The following CCBE1 variants were observed in gnomAD, a reference collection of about 807,000 sequenced individuals.
The protein encoded by CCBE1 is collagen and calcium-binding EGF domain-containing protein 1.
Under a neutral mutation model 50.0 loss-of-function variants are expected in CCBE1, and 37 were observed. That is an observed-to-expected ratio of 0.74 (90% CI 0.57 to 0.97). CCBE1 has a LOEUF of 0.97. Among genes scored for constraint, CCBE1 ranks in the 50% least tolerant of loss-of-function variants. The pLI is 0.00. For synonymous variants in CCBE1, 234 were observed against 203.7 expected (o/e 1.15, Z -1.27); for missense variants, 538 against 523.8 (o/e 1.03, Z -0.26).
At chr18:59,535,682 G>T (rs1262867792) in intron 2 of CCBE1, among the ~76,000 whole-genome samples, 1 of 152,062 alleles carries the variant, frequency 6.6e-6, no homozygotes, top group Non-Finnish European at 1.5e-5. Flanking sequence ...CTCATACAGA[G>T]AAATATTACA....
At chr18:59,543,332 G>A (rs1428409668) in intron 2 of CCBE1, among the ~76,000 whole-genome samples, 2 of 152,158 alleles carry the variant, frequency 1.3e-5, no homozygotes, top group Admixed American at 1.3e-4. Context: ...TTTAGGGAAA[G>A]TTTTCAGTGA....
intron 7 of CCBE1, among the ~76,000 whole-genome samples, chr18:59,445,904 G>A (rs933750582): frequency 2.0e-5 from 3 of 152,174 alleles, no homozygotes; most frequent in South Asian, 2.1e-4. Context: ...AGCAGCAGCC[G>A]CCCCCTTACC....
Position 59,678,120 on chromosome 18 carries a change from A to T in CCBE1, c.212+18509T>A, listed in dbSNP as rs184782382. ...AGTCGTAAGCATGTACAATGCTGAT[A>T]AGTGTGTGCAACAGTTGATAGCTGA... On this transcript the variant is annotated intron_variant, in intron 2 of 10. Coordinates refer to ENST00000439986, the MANE Select transcript of CCBE1 (RefSeq NM_133459.4). Among the ~76,000 whole-genome samples the T allele has an allele frequency of 2.9e-3, 437 of 152,288 alleles. 4 individuals carry two copies. Among genetic ancestry groups the T allele is most frequent in the African/African-American group, 9.5e-3 (396 of 41,568 alleles).
In CCBE1 at chr18:59,692,114, G is replaced by A. The variant is rs187834760; in HGVS notation, c.212+4515C>T. 2.8e-3 allele frequency among the ~76,000 whole-genome samples: 425 copies of A among 152,208 alleles called. 1 individual carries two copies. Among genetic ancestry groups the A allele is most frequent in the South Asian group, 7.5e-3 (36 of 4,818 alleles). ...GCAAACGAGTGATGTTTCTGGCTGT[G>A]GTCTCAAATTGCTCTTTCAAAAAGA... On this transcript the variant is annotated intron_variant, in intron 2 of 10. Transcript: ENST00000439986.
intron 2 of CCBE1, among the ~76,000 whole-genome samples, chr18:59,684,624 A>T (rs535434593): frequency 1.9e-4 from 29 of 152,314 alleles, no homozygotes; most frequent in Admixed American, 3.3e-4. Context: ...CACAAAATGC[A>T]GTTGCATTTC....
intron 2 of CCBE1, among the ~76,000 whole-genome samples, chr18:59,594,898 G>A (rs2053328884): frequency 6.6e-6 from 1 of 151,974 alleles, no homozygotes; most frequent in South Asian, 2.1e-4. Flanking sequence ...TGGATCACGA[G>A]GTCAAGAGAA....
At chr18:59,483,490 C>G (rs1912671672) in intron 2 of CCBE1, among the ~76,000 whole-genome samples, 1 of 152,154 alleles carries the variant, frequency 6.6e-6, no homozygotes, top group South Asian at 2.1e-4. Context: ...GGATGCTCAA[C>G]CTGTATTGGT....
chr18:59,556,921 T>C (rs1471763681), intron 2 of CCBE1, among the ~76,000 whole-genome samples: 1 of 152,248 alleles, frequency 6.6e-6, no homozygotes, highest in East Asian at 1.9e-4. Flanking sequence ...TGGAATTGTA[T>C]TTCTCAGAAT....
intron 2 of CCBE1, among the ~76,000 whole-genome samples, chr18:59,526,869 A>T (rs1248857244): frequency 1.3e-5 from 2 of 152,108 alleles, no homozygotes; most frequent in African/African-American, 4.8e-5. Context: ...CTGTGATCTG[A>T]GAGAATGTTT....
At chr18:59,486,667 G>A (rs185755889) in intron 2 of CCBE1, among the ~76,000 whole-genome samples, 3 of 152,260 alleles carry the variant, frequency 2.0e-5, no homozygotes, top group Admixed American at 2.0e-4. Flanking sequence ...ACCTCAGCAA[G>A]GCTTAGAAAC....
At chr18:59,555,724 C>T (rs952948423) in intron 2 of CCBE1, among the ~76,000 whole-genome samples, 3 of 151,714 alleles carry the variant, frequency 2.0e-5, no homozygotes, top group Non-Finnish European at 2.9e-5. Context: ...AGAAACAGAC[C>T]GATTCCATTT....
chr18:59,672,012 T>C (rs944771243), intron 2 of CCBE1, among the ~76,000 whole-genome samples: 2 of 152,194 alleles, frequency 1.3e-5, no homozygotes, highest in African/African-American at 4.8e-5. Flanking sequence ...ACTTCAGCCA[T>C]GGACGTGGAG....
At chr18:59,589,790 C>CAAAAAAAAAAAAAAAAA (rs752546235) in intron 2 of CCBE1, among the ~76,000 whole-genome samples, 4 of 73,108 alleles carry the variant, frequency 5.5e-5, no homozygotes, top group African/African-American at 2.1e-4. Context: ...GACTCCATCT[C>CAAAAAAAAAAAAAAAAA]AAAAAAAAAA....
At chr18:59,577,795 C>T (rs1038495186) in intron 2 of CCBE1, among the ~76,000 whole-genome samples, 2 of 152,152 alleles carry the variant, frequency 1.3e-5, no homozygotes, top group East Asian at 1.9e-4. Flanking sequence ...AGCCAATCTA[C>T]AGAGCTAAAA....
chr18:59,590,654 G>A (rs1322971453), intron 2 of CCBE1, among the ~76,000 whole-genome samples: 4 of 152,226 alleles, frequency 2.6e-5, no homozygotes, highest in South Asian at 2.1e-4. Context: ...GGGTTGTATC[G>A]CACATGAGTA....
chr18:59,527,464 G>A (rs1367505432), intron 2 of CCBE1, among the ~76,000 whole-genome samples: 1 of 152,072 alleles, frequency 6.6e-6, no homozygotes, highest in Admixed American at 6.5e-5. Context: ...GCCATTCTGT[G>A]TCTTTTTATT....
chr18:59,620,990 T>C lies in CCBE1; in HGVS notation c.212+75639A>G, dbSNP rs115027584. Among the ~76,000 whole-genome samples, 980 of 152,214 alleles carry C rather than the reference T, an allele frequency of 6.4e-3. 16 individuals carry two copies. Among genetic ancestry groups the C allele is most frequent in the African/African-American group, 0.022 (922 of 41,520 alleles). Reference sequence around the variant, plus strand: ...ACAAAGGGTAAGGCAGGGAAGACCATAGGAGGAGTGACAGAACACACAGAG... The same window carrying C: ...ACAAAGGGTAAGGCAGGGAAGACCACAGGAGGAGTGACAGAACACACAGAG... On this transcript the variant is annotated intron_variant, in intron 2 of 10. Transcript: ENST00000439986.
intron 2 of CCBE1, among the ~76,000 whole-genome samples, chr18:59,589,717 C>G (rs58420480): frequency 2.4e-4 from 34 of 144,416 alleles, no homozygotes; most frequent in African/African-American, 8.6e-4. Flanking sequence ...GAGAATGGCG[C>G]GAACCCAGGA....
chr18:59,554,012 GT>G (rs1035019252), intron 2 of CCBE1, among the ~76,000 whole-genome samples: 4 of 152,038 alleles, frequency 2.6e-5, no homozygotes, highest in Non-Finnish European at 5.9e-5. Flanking sequence ...TGTACTTTTT[GT>G]TTTTTTAGAG....
Sources: allele counts gnomAD v4.1 joint callset (sites outside exome capture counted in the v4.1 genomes callset), GRCh38; gene constraint gnomAD v4.1.1; transcripts MANE v1.5; gene names NCBI Gene and HGNC (gene_info 2026-07-23, HGNC 2026-07-21).